The following DGKB variants were observed in gnomAD, a reference collection of about 807,000 sequenced individuals.
DGKB encodes 90 kDa diacylglycerol kinase.
Under a neutral mutation model 114.3 loss-of-function variants are expected in DGKB, and 67 were observed. The ratio of observed to expected loss-of-function variants is 0.59; its 90% confidence interval spans 0.48 to 0.72. DGKB has a LOEUF of 0.72. Ranked by LOEUF, DGKB falls within the 30% of genes least tolerant of loss-of-function variation. DGKB has a pLI of 0.00. For synonymous variants in DGKB, 398 were observed against 323.1 expected (o/e 1.23, Z -2.49); for missense variants, 907 against 975.2 (o/e 0.93, Z 0.93).
intron 1 of DGKB, among the ~76,000 whole-genome samples, chr7:14,920,814 G>A (rs1280358124): frequency 6.6e-6 from 1 of 152,124 alleles, no homozygotes; most frequent in African/African-American, 2.4e-5. Flanking sequence ...ATTATTTGGT[G>A]ATAAAGGGAA....
chr7:14,812,842 C>A (rs1162754192), intron 2 of DGKB, among the ~76,000 whole-genome samples: 1 of 152,236 alleles, frequency 6.6e-6, no homozygotes. Context: ...AAATTTAGCC[C>A]TATGAAACTG....
intron 21 of DGKB, among the ~76,000 whole-genome samples, chr7:14,372,590 GAT>G (rs1248996907): frequency 6.6e-6 from 1 of 151,864 alleles, no homozygotes; most frequent in Non-Finnish European, 1.5e-5. Context: ...CTTGCTTTTT[GAT>G]ATCTTTATCA....
intron 21 of DGKB, among the ~76,000 whole-genome samples, chr7:14,371,607 T>C (rs1817664449): frequency 6.6e-6 from 1 of 152,204 alleles, no homozygotes; most frequent in Admixed American, 6.5e-5. Flanking sequence ...TCTCCCATCC[T>C]GTATGTTGTC....
chr7:14,162,414 A>T (rs1784039319), intron 25 of DGKB, among the ~76,000 whole-genome samples: 1 of 152,296 alleles, frequency 6.6e-6, no homozygotes, highest in South Asian at 2.1e-4. Context: ...AAGTACATAC[A>T]GTTTTATCAT....
At chr7:14,486,382 G>T (rs920879257) in intron 20 of DGKB, among the ~76,000 whole-genome samples, 2 of 152,198 alleles carry the variant, frequency 1.3e-5, no homozygotes, top group Admixed American at 6.5e-5. Flanking sequence ...GGATCATGCA[G>T]AATACTGGGG....
intron 2 of DGKB, among the ~76,000 whole-genome samples, chr7:14,836,397 A>G (rs1021322028): frequency 2.6e-5 from 4 of 152,210 alleles, no homozygotes; most frequent in Admixed American, 6.5e-5. Context: ...TATATAACAC[A>G]CATTATATAT....
chr7:14,751,684 G>A (rs2128435148), intron 4 of DGKB, among the ~76,000 whole-genome samples: 1 of 152,294 alleles, frequency 6.6e-6, no homozygotes, highest in South Asian at 2.1e-4. Context: ...CCAGGTTTGG[G>A]AGGGGAAGCA....
intron 4 of DGKB, among the ~76,000 whole-genome samples, chr7:14,739,534 T>A (rs1197439153): frequency 1.3e-5 from 2 of 152,166 alleles, no homozygotes; most frequent in Non-Finnish European, 2.9e-5. Flanking sequence ...TCTTTACCCT[T>A]CAATGTGTCC....
intron 1 of DGKB, among the ~76,000 whole-genome samples, chr7:14,955,722 A>G (rs1786463894): frequency 6.6e-6 from 1 of 152,100 alleles, no homozygotes; most frequent in Admixed American, 6.6e-5. Context: ...CCTAGTTAAA[A>G]TATCTGGCTG....
chr7:14,159,161 G>T (rs757462710), intron 25 of DGKB, among the ~76,000 whole-genome samples: 1 of 151,932 alleles, frequency 6.6e-6, no homozygotes, highest in Non-Finnish European at 1.5e-5. Flanking sequence ...CTGCTGTTCT[G>T]CTCCCACTGG....
chr7:14,937,852 T>C (rs529018386), intron 1 of DGKB, among the ~76,000 whole-genome samples: 2 of 152,318 alleles, frequency 1.3e-5, no homozygotes, highest in East Asian at 3.9e-4. Flanking sequence ...CACTTTCACT[T>C]AATGAATAGT....
At chr7:14,727,736 GT>G in intron 5 of DGKB, among the ~76,000 whole-genome samples, 1 of 152,162 alleles carries the variant, frequency 6.6e-6, no homozygotes, top group South Asian at 2.1e-4. Context: ...GACTTTCCTT[GT>G]TTGCATTGTG....
chr7:14,670,220 ATG>A (rs939845829), intron 13 of DGKB, among the ~76,000 whole-genome samples: 1 of 151,114 alleles, frequency 6.6e-6, no homozygotes, highest in African/African-American at 2.4e-5. Flanking sequence ...GTGTGTGTGC[ATG>A]TGTGTGTGTG....
intron 1 of DGKB, among the ~76,000 whole-genome samples, chr7:14,942,318 T>C (rs1052277640): frequency 6.6e-6 from 1 of 151,994 alleles, no homozygotes; most frequent in Non-Finnish European, 1.5e-5. Flanking sequence ...AATTTACTTC[T>C]CTTTTAGGCT....
chr7:14,779,196 T>C (rs1215966711), intron 2 of DGKB, among the ~76,000 whole-genome samples: 1 of 152,184 alleles, frequency 6.6e-6, no homozygotes, highest in Non-Finnish European at 1.5e-5. Flanking sequence ...GTCATCTTTA[T>C]TTAAGACACA....
At chr7:14,909,795 T>C (rs896602858) in intron 1 of DGKB, among the ~76,000 whole-genome samples, 1 of 152,162 alleles carries the variant, frequency 6.6e-6, no homozygotes, top group East Asian at 1.9e-4. Context: ...TATAAAACAT[T>C]AGCACATAAT....
intron 1 of DGKB, among the ~76,000 whole-genome samples, chr7:14,865,207 G>A (rs217551): frequency 5.9e-5 from 9 of 152,156 alleles, no homozygotes; most frequent in African/African-American, 9.7e-5. Context: ...TAAAAATTAT[G>A]TTGCATTTCT....
rs1997040 is a variant in DGKB at position 14,718,648 on chromosome 7, C to T, written c.360G>A (p.Arg120=). The change falls in exon 6 of 26, where the codon CGG becomes CGA. Residue 120 remains arginine (R), a synonymous_variant. Transcript: ENST00000402815. ...AACACGTATTTGCAGGAGAAGTAGT[C>T]CGGGGAGGGGTGATGGCACCTTTAT... ...RMNKGAITPP[R]TTSPANTCSP... is the part of the protein sequence containing the mutation. 0.47 allele frequency: 761,114 copies of T among 1,609,166 alleles called. 189,150 individuals carry two copies. The highest frequency in any genetic ancestry group is 0.87 in the East Asian group (38,752 of 44,650).
intron 21 of DGKB, among the ~76,000 whole-genome samples, chr7:14,476,132 T>A (rs894568252): frequency 1.1e-4 from 17 of 151,850 alleles, no homozygotes; most frequent in Non-Finnish European, 8.8e-5. Context: ...GAATATAAAC[T>A]TCTTTATGAA....
Sources: allele counts gnomAD v4.1 joint callset (sites outside exome capture counted in the v4.1 genomes callset), GRCh38; gene constraint gnomAD v4.1.1; transcripts MANE v1.5; gene names NCBI Gene and HGNC (gene_info 2026-07-23, HGNC 2026-07-21).